The following PAQR3 variants were observed in gnomAD, a reference collection of about 807,000 sequenced individuals.
PAQR3 encodes Raf kinase trapping to Golgi.
Under a neutral mutation model 41.7 loss-of-function variants are expected in PAQR3, and 39 were observed. The observed-to-expected ratio is 0.93, with a 90% CI of 0.72 to 1.22. The LOEUF is 1.22. Ranked by LOEUF, PAQR3 falls within the 50% of genes most tolerant of loss-of-function variation. PAQR3 has a pLI of 0.00. For synonymous variants in PAQR3, 140 were observed against 140.6 expected, an observed-to-expected ratio of 1.00 and a Z score of 0.03; for missense variants, 366 against 385.6, an observed-to-expected ratio of 0.95 and a Z score of 0.42.
rs576187621 is a variant in PAQR3, at chr4:78,913,070, T to C, written c.*7469A>G. 22 of 152,344 alleles carry C rather than the reference T, an allele frequency of 1.4e-4. No individual in the cohort carries two copies. Among genetic ancestry groups the C allele is most frequent in the African/African-American group, 4.8e-4 (20 of 41,578 alleles). 9.4% of individuals were successfully genotyped at this position (152,344 alleles called of 1,614,324 possible). ...TGTGAAATCATGTTGCATTTAACAATGTACTTTATTAGCAACTTCACCAAA... is the reference window on the plus strand; with the variant it reads ...TGTGAAATCATGTTGCATTTAACAACGTACTTTATTAGCAACTTCACCAAA... On this transcript the variant is annotated 3_prime_UTR_variant, in exon 6 of 6. Coordinates refer to ENST00000512733, the MANE Select transcript of PAQR3 (RefSeq NM_001040202.2).
intron 11 of PAQR3, among the ~76,000 whole-genome samples, chr4:78,899,958 A>C (rs1438370391): frequency 6.6e-6 from 1 of 152,200 alleles, no homozygotes; most frequent in African/African-American, 2.4e-5. Context: ...CAAGAAAATT[A>C]TATGATGTGA....
At position 78,917,942 on chromosome 4, in the gene PAQR3, T is replaced by C. The variant is rs1464607496; in HGVS notation, c.*2597A>G. On this transcript the variant is annotated 3_prime_UTR_variant, in exon 6 of 6. Transcript: ENST00000512733. ...GAATGACAAGCAGCAGTTAAAAATA[T>C]TTAGTAAACCCAGTTTATTTACATA... 3.0e-6 allele frequency: 3 copies of C among 984,270 alleles called. No individual in the cohort carries two copies. Among genetic ancestry groups the C allele is most frequent in the South Asian group, 4.7e-5 (1 of 21,264 alleles). 61.0% of individuals were successfully genotyped at this position (984,270 alleles called of 1,614,324 possible). A position where few individuals can be genotyped will look rare whatever the true frequency, so the allele number is the denominator to read the frequency against.
chr4:78,919,570 A>G lies in PAQR3; in HGVS notation c.*969T>C, dbSNP rs1029297479. On this transcript the variant is annotated 3_prime_UTR_variant, in exon 6 of 6. Transcript: ENST00000512733. ...TATTATCAAATGGGGCATCTGCATG[A>G]CTTTGTTCTAAGGCTTAAGGTTCAT... is the stretch of plus-strand genomic sequence containing the variant. 1.0e-6 allele frequency: 1 copy of G among 985,036 alleles called. No individual in the cohort carries two copies. Among genetic ancestry groups the G allele is most frequent in the African/African-American group, 1.7e-5 (1 of 57,182 alleles). 61.0% of individuals were successfully genotyped at this position (985,036 alleles called of 1,614,324 possible).
chr4:78,931,688 G>A (rs1158508994), intron 2 of PAQR3, among the ~76,000 whole-genome samples: 1 of 152,088 alleles, frequency 6.6e-6, no homozygotes, highest in East Asian at 1.9e-4. Flanking sequence ...TTTGGAGGGT[G>A]GGACTGGTGG....
intron 4 of PAQR3, among the ~76,000 whole-genome samples, chr4:78,925,370 A>G (rs1187329516): frequency 6.6e-6 from 1 of 152,120 alleles, no homozygotes; most frequent in Non-Finnish European, 1.5e-5. Flanking sequence ...TCTTATTATA[A>G]AGGAATCAAA....
Position 78,913,287 on chromosome 4 carries a change from C to T in PAQR3, c.*7252G>A, listed in dbSNP as rs1734763868. 6.6e-6 allele frequency: 1 copy of T among 152,134 alleles called. No individual in the cohort carries two copies. Among genetic ancestry groups the T allele is most frequent in the Non-Finnish European group, 1.5e-5 (1 of 68,002 alleles). The allele number at this position is 152,134 out of a possible 1,614,324, so 9.4% of individuals were successfully genotyped here. Reference sequence around the variant, plus strand: ...TATAAGGTGGACTAGCATCTTAATTCTGCTAGTTGATTGTGTCTTTACTGA... The same window carrying T: ...TATAAGGTGGACTAGCATCTTAATTTTGCTAGTTGATTGTGTCTTTACTGA... On this transcript the variant is annotated 3_prime_UTR_variant, in exon 6 of 6. Transcript: ENST00000512733.
intron 2 of PAQR3, 37 bp from the exon 3 acceptor site, chr4:78,930,362 AGAAAC>A: frequency 6.3e-7 from 1 of 1,574,872 alleles, no homozygotes; most frequent in Non-Finnish European, 8.6e-7. Flanking sequence ...AAGTGACTAA[AGAAAC>A]TAAAGCAACT....
chr4:78,926,678 A>T lies in PAQR3; in HGVS notation c.545T>A (p.Ile182Asn). Residue 182 changes from isoleucine to asparagine, a missense_variant, in exon 4 of 6, where the codon ATC (isoleucine) becomes AAC (asparagine). Physicochemically the swap from Ile to Asn is moderately radical, Grantham distance 149. Transcript: ENST00000512733. ...QVYLITVLAM[I>N]LAVFFAQIHP... The stretch of plus-strand genomic sequence containing the variant: ...AATCTGCGCAAAGAACACTGCCAGG[A>T]TCATAGCAAGCACTGTGATCAAGTA... The T allele has an allele frequency of 4.3e-6, 7 of 1,614,096 alleles. No individual in the cohort carries two copies. Among genetic ancestry groups the T allele is most frequent in the Non-Finnish European group, 5.9e-6 (7 of 1,179,950 alleles).
At chr4:78,911,468 G>T (rs761579635), downstream of PAQR3, 54 of 1,613,912 alleles carry the variant, frequency 3.3e-5, no homozygotes, top group Non-Finnish European at 4.3e-5. Flanking sequence ...AAACAGCGCA[G>T]CTTACAGAAA....
rs1439293772 is a variant in PAQR3, at chr4:78,935,234, C to T, written c.235G>A (p.Gly79Ser). ...ETVNIWSHLL[G>S]FFLFFTLGIY... is the part of the protein sequence containing the mutation. Reference sequence around the variant, plus strand: ...CCCAGGGTGAAGAAGAGAAAGAAACCCAGCAAATGACTCCAGATGTTTACT... The same window carrying T: ...CCCAGGGTGAAGAAGAGAAAGAAACTCAGCAAATGACTCCAGATGTTTACT... Residue 79 changes from glycine to serine, a missense_variant, in exon 2 of 6, where the codon GGT (glycine) becomes AGT (serine). Physicochemically the swap from Gly to Ser is moderately conservative, Grantham distance 56 (BLOSUM62 0). Coordinates refer to ENST00000512733, the MANE Select transcript of PAQR3 (RefSeq NM_001040202.2). 11 of 1,613,410 alleles carry T rather than the reference C, an allele frequency of 6.8e-6. No homozygotes were observed. Among genetic ancestry groups the T allele is most frequent in the Non-Finnish European group, 8.5e-6 (10 of 1,179,646 alleles).
intron 3 of PAQR3, 77 bp downstream of exon 3, chr4:78,930,093 G>C: frequency 2.9e-6 from 4 of 1,372,466 alleles, no homozygotes; most frequent in Non-Finnish European, 4.0e-6. Context: ...TACTTATTCA[G>C]AAATTCAAAA....
chr4:78,939,338 G>A lies in PAQR3; in HGVS notation c.-114C>T, dbSNP rs1048137783. The A allele has an allele frequency of 3.2e-6, 3 of 946,280 alleles. No homozygotes were observed. Among genetic ancestry groups the A allele is most frequent in the African/African-American group, 1.8e-5 (1 of 56,506 alleles). 58.6% of individuals were successfully genotyped at this position (946,280 alleles called of 1,614,324 possible). On this transcript the variant is annotated 5_prime_UTR_variant, in exon 1 of 6. Coordinates refer to ENST00000512733, the MANE Select transcript of PAQR3 (RefSeq NM_001040202.2). ...CCGGAGCCCGCGGACGCTGCGCGAG[G>A]TCCTACCGCGCTGCCGCTGCTGCCC...
chr4:78,938,058 C>T (rs4512020), intron 1 of PAQR3, among the ~76,000 whole-genome samples: 116,659 of 152,118 alleles, frequency 0.77, 44,911 homozygotes, highest in Non-Finnish European at 0.81. Context: ...CACAGAAACA[C>T]TTTCATGGCA....
rs185250505 is a variant in PAQR3, at chr4:78,896,712, A to T, written c.*837-8564T>A. On this transcript the variant is annotated intron_variant and NMD_transcript_variant, in intron 11 of 12. Transcript: ENST00000342820. ...TTTATGGGAATTTCTAGAAGTTGTT[A>T]AATTTCTAATATTTAAACTGTTTTT... is the stretch of plus-strand genomic sequence containing the variant. 9.3e-4 allele frequency among the ~76,000 whole-genome samples: 141 copies of T among 152,346 alleles called. 2 individuals are homozygous for T. In the East Asian group the frequency reaches 0.019, roughly 21 times the overall value.
intron 11 of PAQR3, among the ~76,000 whole-genome samples, chr4:78,890,626 T>C (rs1323330820): frequency 6.6e-6 from 1 of 152,216 alleles, no homozygotes; most frequent in Non-Finnish European, 1.5e-5. Context: ...TGCTTAGTTT[T>C]TTATGTACCC....
In PAQR3 at chr4:78,918,474, C is replaced by T; in HGVS notation, c.*2065G>A. ...CTATTTTATAATAAATATATCATAG[C>T]AGTGAAAAAATGAGAGGATAACTTT... On this transcript the variant is annotated 3_prime_UTR_variant, in exon 6 of 6. Transcript: ENST00000512733. 1 of 960,318 alleles carries T rather than the reference C, an allele frequency of 1.0e-6. No homozygotes were observed. The allele number at this position is 960,318 out of a possible 1,614,324, so 59.5% of individuals were successfully genotyped here.
rs968598239 is a variant in PAQR3, at chr4:78,918,628, GTTA to G, written c.*1908_*1910del. The stretch of plus-strand genomic sequence containing the variant: ...TAAAAACACAGTATACTCTTTTCAT[GTTA>G]TTAATTCAAATGGCAAGTATGTATT... On this transcript the variant is annotated 3_prime_UTR_variant, in exon 6 of 6. Coordinates refer to ENST00000512733, the MANE Select transcript of PAQR3 (RefSeq NM_001040202.2). 7.7e-5 allele frequency: 74 copies of G among 955,576 alleles called. No homozygotes were observed. The highest frequency in any genetic ancestry group is 8.7e-5 in the Non-Finnish European group (70 of 802,868). 59.2% of individuals were successfully genotyped at this position (955,576 alleles called of 1,614,324 possible). A position where few individuals can be genotyped will look rare whatever the true frequency, so the allele number is the denominator to read the frequency against.
At chr4:78,902,211 T>G (rs1436707838) in intron 11 of PAQR3, among the ~76,000 whole-genome samples, 2 of 152,188 alleles carry the variant, frequency 1.3e-5, no homozygotes, top group Admixed American at 6.5e-5. Context: ...TAAGCTTACA[T>G]AGTTTATAAG....
At chr4:78,908,886 C>A (rs1254056890), downstream of PAQR3, among the ~76,000 whole-genome samples, 2 of 151,928 alleles carry the variant, frequency 1.3e-5, no homozygotes, top group Admixed American at 6.6e-5. Flanking sequence ...GCCACTCATT[C>A]TTTTCTTTCT....
Sources: allele counts gnomAD v4.1 joint callset (sites outside exome capture counted in the v4.1 genomes callset), GRCh38; gene constraint gnomAD v4.1.1; transcripts MANE v1.5; gene names NCBI Gene and HGNC (gene_info 2026-07-23, HGNC 2026-07-21).